ODF2: variants seen among roughly 807,000 people sequenced by gnomAD.
ODF2 encodes outer dense fiber protein 2.
Under a neutral mutation model 110.2 loss-of-function variants are expected in ODF2, and 47 were observed. The ratio of observed to expected loss-of-function variants is 0.43; its 90% CI spans 0.34 to 0.54. ODF2 has a LOEUF of 0.54. Among genes scored for constraint, ODF2 ranks in the 20% least tolerant of loss-of-function variants. The pLI, the probability that ODF2 is intolerant of heterozygous loss-of-function variation, is 0.03. For synonymous variants in ODF2, 352 were observed against 397.7 expected (o/e 0.89, Z 1.37); for missense variants, 812 against 1,054.5 (o/e 0.77, Z 3.19).
chr9:128,499,189 G>A lies in ODF2; in HGVS notation c.2301+63G>A, dbSNP rs559596297. The A allele has an allele frequency of 1.3e-4, 210 of 1,592,024 alleles. 1 individual carries two copies. In the East Asian group the frequency reaches 1.4e-3, roughly 11 times the overall value. On this transcript the variant is annotated intron_variant, in intron 20 of 20. Coordinates refer to ENST00000604420, the Ensembl canonical transcript of ODF2. Reference sequence around the variant, plus strand: ...AGCAGACCTAGCTTCTGTGGGGCCTGTGGGCCAAGGTGTTTTGTTGTTACT... The same window carrying A: ...AGCAGACCTAGCTTCTGTGGGGCCTATGGGCCAAGGTGTTTTGTTGTTACT...
chr9:128,473,234 C>T (rs1466299009), intron 7 of ODF2, 192 bp downstream of exon 7: 2 of 985,212 alleles, frequency 2.0e-6, no homozygotes, highest in Non-Finnish European at 2.4e-6. Flanking sequence ...GACCTCTGGT[C>T]ACCAGGGCCT....
intron 8 of ODF2, among the ~76,000 whole-genome samples, chr9:128,480,391 T>TTG (rs1292658832): frequency 6.6e-6 from 1 of 152,310 alleles, no homozygotes; most frequent in East Asian, 1.9e-4. Context: ...GGTTACCTTT[T>TTG]TGTGTGTGTG....
At chr9:128,455,961 T>C, upstream of ODF2, 1 of 1,409,062 alleles carries the variant, frequency 7.1e-7, no homozygotes, top group Non-Finnish European at 9.2e-7. Context: ...GCGTAGCACG[T>C]CTCCTTGGTG....
At chr9:128,471,308 G>T (rs765164238) in exon 6 of ODF2, 1 of 1,608,536 alleles carries the variant, frequency 6.2e-7, no homozygotes, top group South Asian at 1.1e-5. Flanking sequence ...CCCTGCTCAG[G>T]TCAAGATGCA....
Position 128,471,397 on chromosome 9 carries a change from T to C in ODF2, c.510T>C (p.Ala170=), listed in dbSNP as rs145221530. 2.4e-5 allele frequency: 38 copies of C among 1,613,318 alleles called. No individual in the cohort carries two copies. The African/African-American group carries it at 2.7e-4, about 11-fold the overall frequency. The change falls in exon 6 of 21, where the codon GCT becomes GCC. Residue 170 remains alanine, a synonymous_variant. Coordinates refer to ENST00000604420, the Ensembl canonical transcript of ODF2. ...TGGAGGAGGTGGCCCACGAACTGGCTGAGACTGAGCACGAGAACACGGTGT... is the reference window on the plus strand; with the variant it reads ...TGGAGGAGGTGGCCCACGAACTGGCCGAGACTGAGCACGAGAACACGGTGT...
chr9:128,497,446 A>AAAAAAAAAACAT (rs1554857542), intron 18 of ODF2: 1 of 42,598 alleles, frequency 2.3e-5, no homozygotes, highest in African/African-American at 1.5e-4. Context: ...AAAAAAAAAA[A>AAAAAAAAAACAT]ATATATATAT....
intron 8 of ODF2, among the ~76,000 whole-genome samples, chr9:128,474,429 G>T (rs1840778254): frequency 6.6e-6 from 1 of 152,078 alleles, no homozygotes; most frequent in East Asian, 1.9e-4. Flanking sequence ...GGAGGCGGAG[G>T]TTGCGGTGAG....
At chr9:128,461,788 G>A (rs1462559145) in intron 4 of ODF2, among the ~76,000 whole-genome samples, 2 of 152,072 alleles carry the variant, frequency 1.3e-5, no homozygotes, top group Non-Finnish European at 2.9e-5. Context: ...AAATAGAAAT[G>A]AAAAACAAAA....
chr9:128,474,303 G>A (rs1268632178), intron 8 of ODF2, among the ~76,000 whole-genome samples: 1 of 152,002 alleles, frequency 6.6e-6, no homozygotes, highest in African/African-American at 2.4e-5. Flanking sequence ...GACCAGCCTC[G>A]CCAACAGAGT....
chr9:128,483,800 C>T (rs1360382661), intron 10 of ODF2, 138 bp from the exon 11 acceptor site: 12 of 693,402 alleles, frequency 1.7e-5, no homozygotes, highest in East Asian at 1.6e-4. Flanking sequence ...GCGGGAGAAT[C>T]GCTGGAGCCC....
At chr9:128,461,061 G>A in exon 4 of ODF2, 2 of 1,614,144 alleles carry the variant, frequency 1.2e-6, no homozygotes, top group Non-Finnish European at 8.5e-7. Context: ...TGGGATGCAA[G>A]TGGGAGGTAG....
chr9:128,476,246 T>C (rs1436139102), intron 8 of ODF2, among the ~76,000 whole-genome samples: 2 of 152,150 alleles, frequency 1.3e-5, no homozygotes, highest in African/African-American at 4.8e-5. Context: ...GAGATGACAA[T>C]AGTCTCAAAA....
At chr9:128,473,198 C>A (rs1439680621) in intron 7 of ODF2, 156 bp downstream of exon 7, 13 of 985,166 alleles carry the variant, frequency 1.3e-5, no homozygotes, top group South Asian at 4.7e-5. Context: ...ACCACTCTCA[C>A]TTCCCAATCC....
At position 128,482,851 on chromosome 9, in the gene ODF2, G is replaced by A. The variant is rs139481144; in HGVS notation, c.951G>A (p.Glu317=). Residue 317 remains glutamate, a synonymous_variant, in exon 10 of 21, where the codon GAG becomes GAA. Transcript: ENST00000604420. ...TACTGCTGCAAGACAAGGACAAGGAGGTGGAAGAGCTCCTTCAGGAAATAC... is the reference window on the plus strand; with the variant it reads ...TACTGCTGCAAGACAAGGACAAGGAAGTGGAAGAGCTCCTTCAGGAAATAC... The A allele has an allele frequency of 1.3e-3, 2,088 of 1,613,308 alleles. 3 individuals are homozygous for A. The highest frequency in any genetic ancestry group is 2.1e-3 in the Middle Eastern group (13 of 6,050).
chr9:128,480,921 A>C (rs772508588), intron 8 of ODF2, among the ~76,000 whole-genome samples: 1 of 152,328 alleles, frequency 6.6e-6, no homozygotes, highest in South Asian at 2.1e-4. Flanking sequence ...AGAGACAAAC[A>C]GTATTTCTCT....
At chr9:128,487,752 A>G (rs1189686510) in intron 13 of ODF2, 138 bp from the exon 14 acceptor site, 12 of 974,414 alleles carry the variant, frequency 1.2e-5, no homozygotes, top group Admixed American at 2.2e-5. Flanking sequence ...GCGCCACTGC[A>G]CTCCAGCCTA....
chr9:128,477,755 C>T (rs1167738318), intron 8 of ODF2, among the ~76,000 whole-genome samples: 1 of 151,044 alleles, frequency 6.6e-6, no homozygotes, highest in Non-Finnish European at 1.5e-5. Context: ...ACAGGTGCCA[C>T]TCCCGGCTAA....
exon 7 of ODF2, chr9:128,473,034 C>T (rs1432723964): frequency 6.2e-7 from 1 of 1,614,038 alleles, no homozygotes; most frequent in Admixed American, 1.7e-5. Context: ...CATCGGGAAG[C>T]TGAAAACAGT....
chr9:128,457,384 T>C (rs770414095), exon 2 of ODF2: 3 of 1,613,072 alleles, frequency 1.9e-6, no homozygotes, highest in South Asian at 2.2e-5. Context: ...ATTGCCCACC[T>C]TTGCGGCTTT....
Sources: allele counts gnomAD v4.1 joint callset (sites outside exome capture counted in the v4.1 genomes callset), GRCh38; gene constraint gnomAD v4.1.1; transcripts MANE v1.5; gene names NCBI Gene and HGNC (gene_info 2026-07-23, HGNC 2026-07-21).